Variants in TMEM164 observed in about 807,000 individuals in gnomAD.
The protein encoded by TMEM164 is transmembrane protein 164, also known as RP13-360B22.2.
A neutral mutation model predicts 18.8 loss-of-function variants in TMEM164; 4 were observed. The ratio of observed to expected loss-of-function variants is 0.21; its 90% CI spans 0.10 to 0.49. TMEM164 has a LOEUF of 0.49. Ranked by LOEUF, TMEM164 falls within the 20% of genes least tolerant of loss-of-function variation. The pLI, the probability that TMEM164 is intolerant of heterozygous loss-of-function variation, is 0.98. For synonymous variants in TMEM164, 86 were observed against 101.7 expected (o/e 0.85, Z 0.93); for missense variants, 108 against 239.9 (o/e 0.45, Z 3.63).
chrX:110,069,974 A>G (rs766564678), intron 3 of TMEM164, among the ~76,000 whole-genome samples: 1 of 111,144 alleles, frequency 9.0e-6, no homozygotes. Flanking sequence ...CTTTTTGTCT[A>G]TTTGTGTACC....
chrX:110,069,172 A>G (rs2065545577), intron 3 of TMEM164, among the ~76,000 whole-genome samples: 1 of 111,969 alleles, frequency 8.9e-6, no homozygotes, highest in Non-Finnish European at 1.9e-5. Context: ...GTAGAGGTAT[A>G]TAGGTATATG....
chrX:110,057,107 G>T (rs752231241), intron 2 of TMEM164, among the ~76,000 whole-genome samples: 52 of 110,930 alleles, frequency 4.7e-4, no homozygotes, highest in Non-Finnish European at 8.9e-4. Flanking sequence ...TAGTCGCCAT[G>T]CTGTACATTA....
At chrX:110,002,915 C>T (rs1932401928), upstream of TMEM164, 1 of 110,576 alleles carries the variant, frequency 9.0e-6, no homozygotes, top group African/African-American at 3.3e-5. Context: ...GGCCCGGCCT[C>T]CCGCCTTCCC....
intron 2 of TMEM164, among the ~76,000 whole-genome samples, chrX:110,012,772 T>G (rs757439778): frequency 1.8e-5 from 2 of 112,426 alleles, no homozygotes; most frequent in Non-Finnish European, 1.9e-5. Context: ...GGGCAGCGCT[T>G]GCACATCTGT....
chrX:110,090,981 G>C (rs1020464016), intron 3 of TMEM164, among the ~76,000 whole-genome samples: 4 of 110,141 alleles, frequency 3.6e-5, no homozygotes, highest in Non-Finnish European at 1.9e-5. Flanking sequence ...CCTTGCGATA[G>C]TTTGTGGAGA....
At position 110,117,669 on chromosome X, in the gene TMEM164, A is replaced by G. The variant is rs755171656; in HGVS notation, c.507+8523A>G. ...TGTGAAATATAGTGAATTATTTCAG[A>G]TAAGTTCTAGGAAGAAAAATAATAC... On this transcript the variant is annotated intron_variant, in intron 4 of 6. Coordinates refer to ENST00000372068, the MANE Select transcript of TMEM164 (RefSeq NM_032227.4). Among the ~76,000 whole-genome samples, 4 of 112,449 alleles carry G rather than the reference A, an allele frequency of 3.6e-5. No individual in the cohort carries two copies. In the South Asian group the frequency reaches 1.5e-3, roughly 41 times the overall value.
At chrX:110,111,125 G>A (rs983968956) in intron 4 of TMEM164, among the ~76,000 whole-genome samples, 9 of 112,338 alleles carry the variant, frequency 8.0e-5, no homozygotes, top group East Asian at 2.8e-4. Flanking sequence ...GGCACAGGCC[G>A]CTGACACAGG....
downstream of TMEM164, among the ~76,000 whole-genome samples, chrX:110,181,038 A>G (rs2067321787): frequency 9.0e-6 from 1 of 111,531 alleles, no homozygotes; most frequent in African/African-American, 3.3e-5. Context: ...TCAGATTTCT[A>G]GCGTGTCGGC....
intron 2 of TMEM164, among the ~76,000 whole-genome samples, chrX:110,052,499 G>A (rs950579637): frequency 3.6e-5 from 4 of 111,376 alleles, no homozygotes; most frequent in Admixed American, 1.9e-4. Context: ...AGGTAACCAA[G>A]TCTATCCATA....
At chrX:110,092,978 T>C (rs2065955235) in intron 3 of TMEM164, among the ~76,000 whole-genome samples, 1 of 112,193 alleles carries the variant, frequency 8.9e-6, no homozygotes, top group Non-Finnish European at 1.9e-5. Context: ...CGTGTGGTTT[T>C]TGTCTTTGAT....
intron 3 of TMEM164, among the ~76,000 whole-genome samples, chrX:110,070,774 T>A (rs192152431): frequency 9.0e-6 from 1 of 111,215 alleles, no homozygotes; most frequent in East Asian, 2.8e-4. Context: ...ATTAATAGCA[T>A]TCCCCCTCTC....
At chrX:110,156,590 CTT>C (rs2067019662) in intron 5 of TMEM164, among the ~76,000 whole-genome samples, 1 of 111,157 alleles carries the variant, frequency 9.0e-6, no homozygotes, top group Admixed American at 9.6e-5. Flanking sequence ...GTGTCTTAGT[CTT>C]TTTGGCCTGC....
chrX:110,026,311 TGG>T (rs1180441923), intron 2 of TMEM164, among the ~76,000 whole-genome samples: 1 of 111,880 alleles, frequency 8.9e-6, no homozygotes, highest in African/African-American at 3.3e-5. Context: ...TTGGTACGAC[TGG>T]GGCGGAAATC....
chrX:110,094,360 G>C (rs1468984272), intron 3 of TMEM164, among the ~76,000 whole-genome samples: 2 of 111,872 alleles, frequency 1.8e-5, no homozygotes, highest in Non-Finnish European at 3.8e-5. Context: ...TTATGAATCT[G>C]GGTGCTCCTG....
chrX:110,019,414 A>G (rs970441208), intron 2 of TMEM164, among the ~76,000 whole-genome samples: 3 of 111,171 alleles, frequency 2.7e-5, no homozygotes, highest in Non-Finnish European at 3.8e-5. Flanking sequence ...CACTGTCATC[A>G]TCATCACCTG....
chrX:110,118,565 G>A (rs1461691869), intron 4 of TMEM164, among the ~76,000 whole-genome samples: 2 of 111,219 alleles, frequency 1.8e-5, no homozygotes, highest in Non-Finnish European at 3.8e-5. Flanking sequence ...TTATTCCCGA[G>A]TTCTGAAGAC....
At chrX:110,013,482 CATT>C (rs1225390830) in intron 2 of TMEM164, among the ~76,000 whole-genome samples, 2 of 112,123 alleles carry the variant, frequency 1.8e-5, no homozygotes, top group Non-Finnish European at 3.8e-5. Flanking sequence ...CTTTTCTTAA[CATT>C]AATCAGATCT....
Position 110,144,909 on chromosome X carries a change from C to G in TMEM164, c.586+33C>G, listed in dbSNP as rs752941712. On this transcript the variant is annotated intron_variant, in intron 5 of 6. Coordinates refer to ENST00000372068, the MANE Select transcript of TMEM164 (RefSeq NM_032227.4). ...CAGCAAACCACATTCCTATGTAACC[C>G]CCACACCTAACCTCTCCCTTCTGTT... is the stretch of plus-strand genomic sequence containing the variant. 6 of 1,105,285 alleles carry G rather than the reference C, an allele frequency of 5.4e-6. No homozygotes were observed. In the South Asian group the frequency reaches 5.9e-5, roughly 11 times the overall value. The allele number at this position is 1,105,285 out of a possible 1,213,427, so 91.1% of individuals were successfully genotyped here.
intron 2 of TMEM164, among the ~76,000 whole-genome samples, chrX:110,018,924 A>G (rs1933637075): frequency 8.9e-6 from 1 of 112,353 alleles, no homozygotes; most frequent in African/African-American, 3.2e-5. Flanking sequence ...CAAAATGAGA[A>G]CAATCATCAT....
Sources: allele counts gnomAD v4.1 joint callset (sites outside exome capture counted in the v4.1 genomes callset), GRCh38; gene constraint gnomAD v4.1.1; transcripts MANE v1.5; gene names NCBI Gene and HGNC (gene_info 2026-07-23, HGNC 2026-07-21).